Variants in FIRRM observed in about 807,000 individuals in gnomAD.
FIRRM encodes FIGNL1 interacting regulator of recombination and mitosis, also known as FIGNL1-interacting regulator of recombination and mitosis.
At chr1:169,842,701 T>C in the FIRRM span, among the ~76,000 whole-genome samples, 1 of 152,212 alleles carries the variant, frequency 6.6e-6, no homozygotes. Flanking sequence ...CTCACGCAGC[T>C]TTTTCAGAGT....
chr1:169,805,375 A>G, the FIRRM span, among the ~76,000 whole-genome samples: 1,171 of 152,328 alleles, frequency 7.7e-3, 18 homozygotes, highest in African/African-American at 0.027. Flanking sequence ...GGTTCACCCT[A>G]TCTCAGATAC....
the FIRRM span, chr1:169,853,751 C>G: frequency 1.9e-5 from 30 of 1,613,948 alleles, no homozygotes; most frequent in Admixed American, 1.7e-5. Context: ...TCCCCTTCTT[C>G]TTCCCAGCCT....
the FIRRM span, chr1:169,793,905 GAAAAAA>G: frequency 9.3e-6 from 2 of 215,570 alleles, no homozygotes; most frequent in Non-Finnish European, 1.6e-5. Context: ...GCTCTGGAAA[GAAAAAA>G]AAAAAAAAAA....
At chr1:169,840,475 A>T in the FIRRM span, among the ~76,000 whole-genome samples, 22 of 149,652 alleles carry the variant, frequency 1.5e-4, no homozygotes, top group South Asian at 4.6e-3. Flanking sequence ...GTGTGCGTGT[A>T]TCTACTGTAA....
chr1:169,825,781 A>C, the FIRRM span, among the ~76,000 whole-genome samples: 12 of 152,300 alleles, frequency 7.9e-5, no homozygotes, highest in East Asian at 1.4e-3. Context: ...CAAAAACCTC[A>C]AGTGTTTATC....
At chr1:169,822,189 AC>A in the FIRRM span, among the ~76,000 whole-genome samples, 1 of 152,096 alleles carries the variant, frequency 6.6e-6, no homozygotes, top group African/African-American at 2.4e-5. Context: ...TGGAATACAA[AC>A]CCTGCAAGCT....
At chr1:169,840,805 C>T in the FIRRM span, among the ~76,000 whole-genome samples, 3 of 152,124 alleles carry the variant, frequency 2.0e-5, no homozygotes, top group Non-Finnish European at 4.4e-5. Context: ...CCACTGCGCT[C>T]GGCCTTGTGT....
chr1:169,832,888 G>A, the FIRRM span, among the ~76,000 whole-genome samples: 6 of 152,110 alleles, frequency 3.9e-5, no homozygotes, highest in Admixed American at 6.6e-5. Flanking sequence ...GCAGGTGTGA[G>A]CCACTCTGCC....
the FIRRM span, among the ~76,000 whole-genome samples, chr1:169,807,303 C>A: frequency 7.2e-5 from 11 of 152,288 alleles, no homozygotes; most frequent in East Asian, 2.1e-3. Context: ...AGAGTTATAT[C>A]TTCATGATAA....
At chr1:169,819,623 T>C in the FIRRM span, among the ~76,000 whole-genome samples, 1 of 152,298 alleles carries the variant, frequency 6.6e-6, no homozygotes, top group East Asian at 1.9e-4. Flanking sequence ...CCCAGGCTGT[T>C]AGAGCTTGAA....
At chr1:169,793,826 A>G in the FIRRM span, 1 of 715,882 alleles carries the variant, frequency 1.4e-6, no homozygotes, top group Non-Finnish European at 2.2e-6. Flanking sequence ...AGCAGCTTAT[A>G]CATGGTAACA....
chr1:169,792,391 C>T, the FIRRM span: 7 of 464,212 alleles, frequency 1.5e-5, no homozygotes, highest in African/African-American at 2.0e-5. Context: ...ATCAAATGCA[C>T]GAGGATACCT....
chr1:169,827,380 G>C, the FIRRM span, among the ~76,000 whole-genome samples: 1 of 152,176 alleles, frequency 6.6e-6, no homozygotes, highest in South Asian at 2.1e-4. Context: ...AATCACACCT[G>C]TAATCCCAGC....
At chr1:169,836,555 GTATATTTGGAATATTACTTT>G in the FIRRM span, among the ~76,000 whole-genome samples, 1 of 152,126 alleles carries the variant, frequency 6.6e-6, no homozygotes, top group African/African-American at 2.4e-5. Context: ...AATCCAGTTT[GTATATTTGGAATATTACTTT>G]TGACTTAACT....
the FIRRM span, among the ~76,000 whole-genome samples, chr1:169,806,619 G>C: frequency 2.5e-4 from 38 of 152,288 alleles, no homozygotes; most frequent in African/African-American, 9.1e-4. Context: ...AAATGGTTAA[G>C]AATATCTACT....
chr1:169,812,222 TTAAAG>T, the FIRRM span, among the ~76,000 whole-genome samples: 13 of 152,170 alleles, frequency 8.5e-5, no homozygotes, highest in Admixed American at 7.2e-4. Flanking sequence ...GAGAGAAAAT[TTAAAG>T]TAAGCAAACA....
the FIRRM span, among the ~76,000 whole-genome samples, chr1:169,800,396 T>C: frequency 6.6e-6 from 1 of 152,188 alleles, no homozygotes; most frequent in Non-Finnish European, 1.5e-5. Context: ...AAGTGATTCA[T>C]GTTCATTGTG....
the FIRRM span, among the ~76,000 whole-genome samples, chr1:169,786,257 G>A: frequency 4.6e-5 from 7 of 152,092 alleles, no homozygotes; most frequent in Admixed American, 6.6e-5. Context: ...TATTCAAAAC[G>A]TCTGACCACC....
the FIRRM span, among the ~76,000 whole-genome samples, chr1:169,848,794 A>T: frequency 6.6e-6 from 1 of 152,210 alleles, no homozygotes; most frequent in Non-Finnish European, 1.5e-5. Context: ...TATGAAACAA[A>T]TGTTTTATAA....
Sources: gnomAD v4.1 joint callset for allele counts (sites outside exome capture counted in the v4.1 genomes callset) on GRCh38, gnomAD v4.1.1 for gene constraint, MANE v1.5 for transcripts, NCBI Gene and HGNC (gene_info 2026-07-23, HGNC 2026-07-21) for gene names.